Variants in DDX50 observed in about 807,000 individuals in gnomAD.
DDX50 encodes the protein ATP-dependent RNA helicase DDX50.
In DDX50, 56 loss-of-function variants were observed where a neutral mutation model predicts 94.8. The ratio of observed to expected loss-of-function variants is 0.59; its 90% CI spans 0.48 to 0.74. The LOEUF is 0.74. DDX50 is among the 30% of genes least tolerant of loss of function. The pLI, the probability that DDX50 is intolerant of heterozygous loss-of-function variation, is 0.00. For missense variants in DDX50, 713 were observed against 881.2 expected, an observed-to-expected ratio of 0.81 and a Z score of 2.42; for synonymous variants, 264 against 295.4, an observed-to-expected ratio of 0.89 and a Z score of 1.09.
At chr10:68,920,457 C>T (rs1841911488) in intron 8 of DDX50, among the ~76,000 whole-genome samples, 1 of 152,158 alleles carries the variant, frequency 6.6e-6, no homozygotes, top group Admixed American at 6.5e-5. Context: ...TGAGCCATCA[C>T]ACCTGACCTC....
At chr10:68,929,859 A>G (rs1221906019) in intron 8 of DDX50, among the ~76,000 whole-genome samples, 1 of 150,784 alleles carries the variant, frequency 6.6e-6, no homozygotes, top group African/African-American at 2.4e-5. Context: ...CAGCCTCCCT[A>G]GTAGCTGGGA....
chr10:68,911,310 C>G, intron 4 of DDX50, 64 bp downstream of exon 4: 1 of 1,450,618 alleles, frequency 6.9e-7, no homozygotes, highest in Non-Finnish European at 9.1e-7. Context: ...GAAAGTTACA[C>G]GAGTCCTAAG....
chr10:68,929,743 T>C (rs897167199), intron 8 of DDX50, among the ~76,000 whole-genome samples: 4 of 149,454 alleles, frequency 2.7e-5, no homozygotes, highest in Non-Finnish European at 4.5e-5. Flanking sequence ...TTTTTTTTTT[T>C]TGAGATGGAG....
In DDX50 at chr10:68,934,510, C is replaced by A; in HGVS notation, c.1401+150C>A. Reference sequence around the variant, plus strand: ...AGTGTGCTATTAAATTTATCAGATTCTGATACTTTTGCAGATGATTAACTC... The same window carrying A: ...AGTGTGCTATTAAATTTATCAGATTATGATACTTTTGCAGATGATTAACTC... On this transcript the variant is annotated intron_variant, in intron 9 of 14. Transcript: ENST00000373585. This position sits in a 1 kb window ranked among gnomAD's most constrained non-coding sequence, Gnocchi z 4.0. 1 of 1,153,454 alleles carries A rather than the reference C, an allele frequency of 8.7e-7. No individual in the cohort carries two copies. The highest frequency in any genetic ancestry group is 1.2e-6 in the Non-Finnish European group (1 of 824,296). 71.5% of individuals were successfully genotyped at this position (1,153,454 alleles called of 1,614,324 possible).
chr10:68,909,106 A>AT (rs1841553378), intron 2 of DDX50, among the ~76,000 whole-genome samples: 1 of 152,204 alleles, frequency 6.6e-6, no homozygotes, highest in Non-Finnish European at 1.5e-5. Context: ...AATTACAGGC[A>AT]TGAGCCACCA....
Position 68,941,206 on chromosome 10 carries a change from C to T in DDX50, c.1890+12C>T. 6.2e-7 allele frequency: 1 copy of T among 1,604,670 alleles called. No individual in the cohort carries two copies. Among genetic ancestry groups the T allele is most frequent in the Non-Finnish European group, 8.5e-7 (1 of 1,177,664 alleles). ...TGAAAGGAAATATGGTAGGCTTTTC[C>T]AGACAATTAAAAAGCTTTTTAATCA... On this transcript the variant is annotated intron_variant, in intron 13 of 14. Coordinates refer to ENST00000373585, the MANE Select transcript of DDX50 (RefSeq NM_024045.2).
intron 4 of DDX50, among the ~76,000 whole-genome samples, chr10:68,912,224 T>C (rs909586513): frequency 6.6e-6 from 1 of 152,156 alleles, no homozygotes; most frequent in Non-Finnish European, 1.5e-5. Flanking sequence ...TTTTTTGTTT[T>C]TTTTAAAGAC....
chr10:68,937,177 T>A (rs1842443388), intron 12 of DDX50, 82 bp downstream of exon 12: 1 of 1,370,638 alleles, frequency 7.3e-7, no homozygotes, highest in Non-Finnish European at 9.6e-7. Context: ...ATTATTGTGC[T>A]TTTTGTGCAG....
intron 8 of DDX50, among the ~76,000 whole-genome samples, chr10:68,921,829 A>T (rs1414357334): frequency 1.3e-5 from 2 of 152,232 alleles, no homozygotes; most frequent in Non-Finnish European, 2.9e-5. Context: ...GGAATAAAGC[A>T]TCGGTATAAA....
chr10:68,940,576 A>AATT (rs759067584), intron 12 of DDX50, among the ~76,000 whole-genome samples: 5 of 151,242 alleles, frequency 3.3e-5, no homozygotes, highest in Non-Finnish European at 5.9e-5. Flanking sequence ...ATGCCTGGCT[A>AATT]ATTATTATTA....
At chr10:68,918,454 G>A (rs1391759641) in intron 7 of DDX50, among the ~76,000 whole-genome samples, 1 of 33,186 alleles carries the variant, frequency 3.0e-5, no homozygotes. Flanking sequence ...TTTTTTTTTT[G>A]AGACAGAGTT....
At chr10:68,909,517 G>T (rs1029666205) in intron 2 of DDX50, among the ~76,000 whole-genome samples, 2 of 151,998 alleles carry the variant, frequency 1.3e-5, no homozygotes, top group African/African-American at 4.8e-5. Context: ...CTTTCTTTTA[G>T]CTTAGTTTAT....
chr10:68,901,560 A>T, intron 1 of DDX50, 89 bp downstream of exon 1: 1 of 1,387,306 alleles, frequency 7.2e-7, no homozygotes, highest in African/African-American at 1.5e-5. Context: ...GGCCTGTCAG[A>T]ACCGGGCCGG....
chr10:68,916,122 G>A (rs1367722632), intron 7 of DDX50, among the ~76,000 whole-genome samples: 1 of 152,162 alleles, frequency 6.6e-6, no homozygotes, highest in Non-Finnish European at 1.5e-5. Context: ...CTGGGAGGCC[G>A]AGGCGGGTGA....
At position 68,921,491 on chromosome 10, in the gene DDX50, G is replaced by GGTTT. The variant is rs149663285; in HGVS notation, c.1239+1527_1239+1530dup. ...GTCTTCCATATTTTCTGAATATTCA[G>GGTTT]GTTTGTTTGTTTGTTTGTTTAGGGC... is the stretch of plus-strand genomic sequence containing the variant. On this transcript the variant is annotated intron_variant, in intron 8 of 14. Transcript: ENST00000373585. Among the ~76,000 whole-genome samples, 4 of 151,894 alleles carry GGTTT rather than the reference G, an allele frequency of 2.6e-5. No homozygotes were observed. The East Asian group carries it at 5.8e-4, about 22-fold the overall frequency.
chr10:68,945,109 G>A (rs1842638882), intron 14 of DDX50, among the ~76,000 whole-genome samples: 1 of 151,996 alleles, frequency 6.6e-6, no homozygotes, highest in Admixed American at 6.6e-5. Context: ...TTGGTATAGC[G>A]AATTCTTTAT....
chr10:68,919,956 T>C lies in DDX50; in HGVS notation c.1214T>C (p.Met405Thr). Residue 405 changes from methionine (M) to threonine (T), a missense_variant, in exon 8 of 15, where the codon ATG (methionine) becomes ACG (threonine). Met to Thr is a moderately conservative substitution (Grantham distance 81). Around this residue, in one of 2 missense-constraint regions of DDX50, gnomAD observed 428 missense variants for 602.3 expected, o/e 0.71. Coordinates refer to ENST00000373585, the MANE Select transcript of DDX50 (RefSeq NM_024045.2). ...GAGACCAAGAAGAATGTAACTGAAA[T>C]GGCCATGAATCCACACATAAAACAG... ...FCETKKNVTE[M>T]AMNPHIKQNA... 1 of 1,614,164 alleles carries C rather than the reference T, an allele frequency of 6.2e-7. No individual in the cohort carries two copies. Among genetic ancestry groups the C allele is most frequent in the Non-Finnish European group, 8.5e-7 (1 of 1,180,024 alleles).
chr10:68,919,256 A>G (rs1171474321), intron 7 of DDX50, among the ~76,000 whole-genome samples: 2 of 152,224 alleles, frequency 1.3e-5, no homozygotes, highest in East Asian at 1.9e-4. Context: ...TTCACTTAGC[A>G]TAATGTTTTT....
intron 1 of DDX50, 121 bp from the exon 2 acceptor site, chr10:68,906,590 G>A (rs1376022749): frequency 1.9e-6 from 2 of 1,043,672 alleles, no homozygotes; most frequent in African/African-American, 1.6e-5. Context: ...TTTCTACCAG[G>A]CAGGTTTTCA....
Sources: allele counts gnomAD v4.1 joint callset (sites outside exome capture counted in the v4.1 genomes callset), GRCh38; gene constraint gnomAD v4.1.1; regional missense constraint gnomAD v4.1.1; non-coding constraint Gnocchi (gnomAD v3.1); transcripts MANE v1.5; gene names NCBI Gene and HGNC (gene_info 2026-07-23, HGNC 2026-07-21).